Variants in ZZEF1 observed in about 807,000 individuals in gnomAD.
ZZEF1 encodes zinc finger ZZ-type and EF-hand domain containing 1.
A neutral mutation model predicts 342.8 loss-of-function variants in ZZEF1; 157 were observed. The observed-to-expected ratio is 0.46, with a 90% CI of 0.40 to 0.52. The LOEUF (loss-of-function observed/expected upper bound fraction) is 0.52. Ranked by LOEUF, ZZEF1 falls within the 20% of genes least tolerant of loss-of-function variation. The pLI, the probability that ZZEF1 is intolerant of heterozygous loss-of-function variation, is 0.00. For synonymous variants in ZZEF1, 1,505 were observed against 1,429.1 expected, an observed-to-expected ratio of 1.05 and a Z score of -1.20; for missense variants, 3,480 against 3,725.6, an observed-to-expected ratio of 0.93 and a Z score of 1.72.
At chr17:4,055,082 G>T (rs1196608218) in intron 33 of ZZEF1, among the ~76,000 whole-genome samples, 1 of 152,170 alleles carries the variant, frequency 6.6e-6, no homozygotes, top group African/African-American at 2.4e-5. Context: ...TTTCTGCAGG[G>T]ATAGTCTGGG....
Position 4,066,458 on chromosome 17 carries a change from G to C in ZZEF1, c.4238C>G (p.Pro1413Arg). The part of the protein sequence containing the change: ...KHSSEATEVN[P>R]ESLAKECIEK... ...GTTAGCACACTCACCCAGGCTCTCA[G>C]GGTTCACCTCAGTAGCTTCTGAACT... Residue 1413 changes from proline to arginine, a missense_variant, in exon 28 of 55, where the codon CCT (proline) becomes CGT (arginine). By Grantham distance (103) the Pro-to-Arg change is moderately radical. Transcript: ENST00000381638. 6.2e-7 allele frequency: 1 copy of C among 1,614,072 alleles called. No homozygotes were observed. The highest frequency in any genetic ancestry group is 8.5e-7 in the Non-Finnish European group (1 of 1,179,998).
intron 33 of ZZEF1, among the ~76,000 whole-genome samples, chr17:4,054,920 C>T (rs908078393): frequency 2.6e-5 from 4 of 152,036 alleles, no homozygotes. Flanking sequence ...GGTGTTGAGG[C>T]AGAAGTGGGA....
At chr17:4,109,541 C>G in intron 6 of ZZEF1, 112 bp downstream of exon 6, 7 of 1,156,354 alleles carry the variant, frequency 6.1e-6, no homozygotes, top group South Asian at 5.6e-5. Flanking sequence ...TGAGGCCGAG[C>G]TGACTGAGCC....
chr17:4,087,778 CACACA>C (rs1225498298), intron 13 of ZZEF1, among the ~76,000 whole-genome samples: 7 of 115,142 alleles, frequency 6.1e-5, no homozygotes, highest in African/African-American at 1.8e-4. Flanking sequence ...TAGATATATA[CACACA>C]ACACACACAC....
chr17:4,109,654 G>A lies in ZZEF1; in HGVS notation c.1276C>T (p.Gln426Ter). 6.2e-7 allele frequency: 1 copy of A among 1,614,036 alleles called. No homozygotes were observed. ...AFVQTVLHNTQKALRHMPPLS... is the reference protein window; with the variant it reads ...AFVQTVLHNT Reference sequence around the variant, plus strand: ...TGGAACATAGAGAGAATGACTTACTGAGTATTGTGCAGCACTGTCTGGACA... The same window carrying A: ...TGGAACATAGAGAGAATGACTTACTAAGTATTGTGCAGCACTGTCTGGACA... Residue 426 changes from glutamine to a stop codon, truncating the protein, a stop_gained and splice_region_variant, in exon 6 of 55, where the codon CAG (glutamine) becomes TAG (stop). Transcript: ENST00000381638. LOFTEE classifies it high-confidence loss of function.
intron 42 of ZZEF1, 62 bp from the exon 43 acceptor site, chr17:4,025,180 C>T (rs2056375914): frequency 6.8e-7 from 1 of 1,475,716 alleles, no homozygotes; most frequent in Non-Finnish European, 9.4e-7. Context: ...CTTCCAGCAG[C>T]TATTTCTTCT....
rs373919232 is a variant in ZZEF1, at chr17:4,054,629, C to T, written c.5296-434G>A. Among the ~76,000 whole-genome samples, 5 of 152,170 alleles carry T rather than the reference C, an allele frequency of 3.3e-5. No homozygotes were observed. In the South Asian group the frequency reaches 6.2e-4, roughly 19 times the overall value. ...TTTATGAAACTGGCATGACTCAGTG[C>T]GTCGAATACAGTACAGAGGGGAAGA... On this transcript the variant is annotated intron_variant, in intron 33 of 54. Coordinates refer to ENST00000381638, the MANE Select transcript of ZZEF1 (RefSeq NM_015113.4).
chr17:4,140,910 C>CTTT (rs34876417), intron 1 of ZZEF1, among the ~76,000 whole-genome samples: 5 of 141,640 alleles, frequency 3.5e-5, no homozygotes, highest in African/African-American at 7.8e-5. Context: ...ACTAATATGA[C>CTTT]TTTTTTTTTT....
At position 4,142,796 on chromosome 17, in the gene ZZEF1, T is replaced by A; in HGVS notation, c.100A>T (p.Thr34Ser). The change falls in exon 1 of 55, where the codon ACC (threonine) becomes TCC (serine). Residue 34 changes from threonine to serine, a missense_variant. Thr to Ser is a moderately conservative substitution (Grantham distance 58). Transcript: ENST00000381638. ...GGAGCCGCGACGCCCGGGCCGGGGG[T>A]CGTGCCCGAGACCGCGGCCCAGTCC... ...HQDWAAVSGT[T>S]PGPGVAAPAL... The A allele has an allele frequency of 7.1e-7, 1 of 1,410,852 alleles. No homozygotes were observed. The highest frequency in any genetic ancestry group is 1.6e-5 in the South Asian group (1 of 63,822). The allele number at this position is 1,410,852 out of a possible 1,614,324, so 87.4% of individuals were successfully genotyped here.
intron 2 of ZZEF1, among the ~76,000 whole-genome samples, chr17:4,119,880 A>G (rs1292816952): frequency 6.6e-6 from 1 of 152,220 alleles, no homozygotes; most frequent in African/African-American, 2.4e-5. Flanking sequence ...GATTCTCAAG[A>G]GAGGTGAATC....
Position 4,095,954 on chromosome 17 carries a change from TG to T in ZZEF1, c.1789del (p.Gln597SerfsTer39). ...IMVRRGGIGAQCGLVFAYNSS... is the reference protein window; with the variant it reads ...IMVRRGGIGAXCGLVFAYNSS... ...GTTATAGGCAAACACCAACCCACAC[TG>T]GGCACCAATGCCACCACGTCGAACC... On this transcript the variant is annotated frameshift_variant, in exon 11 of 55. Coordinates refer to ENST00000381638, the MANE Select transcript of ZZEF1 (RefSeq NM_015113.4). LOFTEE classifies it high-confidence loss of function. The T allele has an allele frequency of 6.2e-7, 1 of 1,611,876 alleles. No homozygotes were observed. The highest frequency in any genetic ancestry group is 8.5e-7 in the Non-Finnish European group (1 of 1,178,596).
chr17:4,059,224 T>C lies in ZZEF1; in HGVS notation c.4950A>G (p.Gln1650=), dbSNP rs531836331. 8.7e-6 allele frequency: 14 copies of C among 1,608,842 alleles called. No homozygotes were observed. Among genetic ancestry groups the C allele is most frequent in the South Asian group, 3.4e-5 (3 of 89,206 alleles). The change falls in exon 31 of 55, where the codon CAA becomes CAG. Residue 1650 remains glutamine (Q), a synonymous_variant. Coordinates refer to ENST00000381638, the MANE Select transcript of ZZEF1 (RefSeq NM_015113.4). ...LHKEIRDTYY[Q]LVLFLVKAVK... is the part of the protein sequence containing the mutation. ...CTGCTTTGACCAAAAACAGAACAAG[T>C]TGATAGTAAGTGTCTCGAATTTCTT...
intron 52 of ZZEF1, among the ~76,000 whole-genome samples, chr17:4,012,274 C>G (rs193020334): frequency 2.6e-5 from 4 of 152,148 alleles, no homozygotes; most frequent in Non-Finnish European, 5.9e-5. Flanking sequence ...TATGAGGACA[C>G]GGGGGTAACA....
chr17:4,037,187 G>A (rs1030360465), intron 39 of ZZEF1, among the ~76,000 whole-genome samples: 2 of 152,148 alleles, frequency 1.3e-5, no homozygotes, highest in East Asian at 3.8e-4. Flanking sequence ...TGAGAAACAG[G>A]ATATTTACAT....
chr17:4,111,901 G>A lies in ZZEF1; in HGVS notation c.1066+708C>T, dbSNP rs74654717. Among the ~76,000 whole-genome samples the A allele has an allele frequency of 1.3e-3, 183 of 145,458 alleles. 2 individuals carry two copies. Among genetic ancestry groups the A allele is most frequent in the African/African-American group, 3.6e-3 (144 of 40,220 alleles). On this transcript the variant is annotated intron_variant, in intron 5 of 54. Transcript: ENST00000381638. The stretch of plus-strand genomic sequence containing the variant: ...AGTGTAAAGAAATTAGCCAGGCATC[G>A]CGGTGCATGTCTACATTCCAGCTAC...
At chr17:4,107,460 G>A (rs1294846722) in intron 6 of ZZEF1, among the ~76,000 whole-genome samples, 1 of 152,182 alleles carries the variant, frequency 6.6e-6, no homozygotes, top group Non-Finnish European at 1.5e-5. Flanking sequence ...GGTGAGAAAG[G>A]TGTCTTCACA....
chr17:4,033,090 A>G (rs369233826), intron 40 of ZZEF1, 88 bp from the exon 41 acceptor site: 1 of 1,314,894 alleles, frequency 7.6e-7, no homozygotes, highest in Non-Finnish European at 1.0e-6. Context: ...CAGACCCAGA[A>G]GCCTTCAAAG....
intron 8 of ZZEF1, among the ~76,000 whole-genome samples, chr17:4,104,363 T>C (rs896710921): frequency 3.3e-5 from 5 of 152,294 alleles, no homozygotes; most frequent in Non-Finnish European, 7.4e-5. Context: ...CTGAGTAATT[T>C]TGCAAGCAGA....
chr17:4,115,117 G>A (rs2058373961), intron 3 of ZZEF1, among the ~76,000 whole-genome samples: 1 of 151,980 alleles, frequency 6.6e-6, no homozygotes, highest in Non-Finnish European at 1.5e-5. Context: ...GATCTCCTAG[G>A]CTCAAGTGAT....
Sources: allele counts gnomAD v4.1 joint callset (sites outside exome capture counted in the v4.1 genomes callset), GRCh38; gene constraint gnomAD v4.1.1; transcripts MANE v1.5; gene names NCBI Gene and HGNC (gene_info 2026-07-23, HGNC 2026-07-21).